The following CERS3 variants were observed in gnomAD, a reference collection of about 807,000 sequenced individuals.
CERS3 encodes ceramide synthase 3.
CERS3 carries 33 observed loss-of-function variants against 50.3 expected under a neutral mutation model. The ratio of observed to expected loss-of-function variants is 0.66; its 90% CI spans 0.50 to 0.88. The LOEUF (loss-of-function observed/expected upper bound fraction) is 0.88, where lower values mean the gene tolerates loss of function less well. Among genes scored for constraint, CERS3 ranks in the 40% least tolerant of loss-of-function variants. CERS3 has a pLI of 0.00. For missense variants in CERS3, 470 were observed against 460.3 expected (o/e 1.02, Z -0.19); for synonymous variants, 176 against 155.2 (o/e 1.13, Z -0.99).
At chr15:100,503,278 G>T (rs1183029631) in intron 2 of CERS3, among the ~76,000 whole-genome samples, 38 of 152,198 alleles carry the variant, frequency 2.5e-4, no homozygotes, top group Non-Finnish European at 2.4e-4. Flanking sequence ...GGTGTGGAAT[G>T]GTAGGTTACA....
rs112369982 is a variant in CERS3, at chr15:100,456,118, T to C, written c.846-72A>G. 3.3e-3 allele frequency: 4,024 copies of C among 1,205,614 alleles called. 37 individuals carry two copies. In the Middle Eastern group the frequency reaches 0.039, roughly 12 times the overall value. 74.7% of individuals were successfully genotyped at this position (1,205,614 alleles called of 1,614,324 possible). ...TATGAATTTTCAATAATAAAACAAA[T>C]AGTTTTTCTCCTAAGCCATACATGT... On this transcript the variant is annotated intron_variant, in intron 10 of 11. Transcript: ENST00000679737.
rs143547121 is a variant in CERS3, at chr15:100,482,150, A to G, written c.408-2104T>C. On this transcript the variant is annotated intron_variant, in intron 5 of 11. Coordinates refer to ENST00000679737, the MANE Select transcript of CERS3 (RefSeq NM_001378789.1). ...AGAATTGCTGCACTTCACTGAAAAG[A>G]TGAATGATAATATCCTTGTCAATGT... 1.7e-3 allele frequency among the ~76,000 whole-genome samples: 257 copies of G among 152,382 alleles called. 4 individuals are homozygous for G. Among genetic ancestry groups the G allele is most frequent in the East Asian group, 0.017 (87 of 5,186 alleles).
chr15:100,473,240 A>G (rs1163981362), intron 8 of CERS3, among the ~76,000 whole-genome samples, 188 bp from the exon 9 acceptor site: 2 of 152,200 alleles, frequency 1.3e-5, no homozygotes, highest in Non-Finnish European at 2.9e-5. Flanking sequence ...TTGTTGATGA[A>G]ATCATTTAAC....
At chr15:100,415,196 A>T (rs2031805426) in intron 11 of CERS3, among the ~76,000 whole-genome samples, 1 of 152,250 alleles carries the variant, frequency 6.6e-6, no homozygotes, top group Admixed American at 6.5e-5. Context: ...TGATCATTAG[A>T]GAACTGCAAA....
intron 11 of CERS3, among the ~76,000 whole-genome samples, chr15:100,436,808 A>G (rs1307418666): frequency 6.6e-6 from 1 of 152,204 alleles, no homozygotes; most frequent in Non-Finnish European, 1.5e-5. Context: ...ACTGTTTTCC[A>G]TCAGAGGTCA....
chr15:100,532,266 G>C (rs76460376), upstream of CERS3, among the ~76,000 whole-genome samples: 1 of 152,118 alleles, frequency 6.6e-6, no homozygotes, highest in Non-Finnish European at 1.5e-5. Context: ...AGAAGAAAAC[G>C]TAAGAATCAA....
intron 4 of CERS3, among the ~76,000 whole-genome samples, chr15:100,486,454 G>A (rs1036522435): frequency 1.3e-5 from 2 of 152,230 alleles, no homozygotes; most frequent in African/African-American, 4.8e-5. Flanking sequence ...ATGATTTGAG[G>A]ACCAAGGGAT....
chr15:100,503,339 C>T (rs1395233756), intron 2 of CERS3, among the ~76,000 whole-genome samples: 1 of 152,184 alleles, frequency 6.6e-6, no homozygotes, highest in East Asian at 1.9e-4. Flanking sequence ...TCAGTAACAG[C>T]TCTTCCTTCC....
intron 4 of CERS3, among the ~76,000 whole-genome samples, chr15:100,487,147 G>GTA (rs1480807311): frequency 6.6e-6 from 1 of 152,198 alleles, no homozygotes; most frequent in Admixed American, 6.5e-5. Context: ...TTGACCATCT[G>GTA]TAATGACCAG....
chr15:100,476,252 C>T lies in CERS3; in HGVS notation c.517-74G>A, dbSNP rs1400025408. The T allele has an allele frequency of 1.4e-5, 11 of 814,290 alleles. 1 individual carries two copies. The East Asian group carries it at 3.2e-4, about 24-fold the overall frequency. The allele number at this position is 814,290 out of a possible 1,614,324, so 50.4% of individuals were successfully genotyped here. ...ACTCATTTTAATGCACTAAAACCTC[C>T]TTTTATACCTATTTATATCCCACCA... On this transcript the variant is annotated intron_variant, in intron 7 of 11. Transcript: ENST00000679737.
At chr15:100,425,585 G>A (rs1263508557) in intron 11 of CERS3, among the ~76,000 whole-genome samples, 3 of 152,146 alleles carry the variant, frequency 2.0e-5, no homozygotes, top group East Asian at 3.9e-4. Context: ...TACCCCCATT[G>A]TGTCTTGGAA....
chr15:100,467,150 T>G (rs2034773134), intron 10 of CERS3, among the ~76,000 whole-genome samples: 1 of 152,032 alleles, frequency 6.6e-6, no homozygotes, highest in South Asian at 2.1e-4. Context: ...CCACTGCACC[T>G]AGCCTGATTT....
intron 7 of CERS3, among the ~76,000 whole-genome samples, 192 bp from the exon 8 acceptor site, chr15:100,476,370 T>C (rs2035127014): frequency 6.6e-6 from 1 of 152,166 alleles, no homozygotes. Flanking sequence ...TCTAAAAGGG[T>C]AGAGACAAGT....
chr15:100,450,211 G>A (rs1464381133), intron 11 of CERS3, among the ~76,000 whole-genome samples: 1 of 151,952 alleles, frequency 6.6e-6, no homozygotes, highest in African/African-American at 2.4e-5. Context: ...ATGAGGTCAG[G>A]AGACCAAAAC....
intron 1 of CERS3, among the ~76,000 whole-genome samples, chr15:100,539,960 G>C (rs8032641): frequency 0.5 from 76,077 of 151,936 alleles, 19,372 homozygotes; most frequent in South Asian, 0.6. Flanking sequence ...CTATTACCAA[G>C]TAATCTCAAA....
At chr15:100,510,899 T>G (rs2036319880) in intron 2 of CERS3, among the ~76,000 whole-genome samples, 1 of 152,196 alleles carries the variant, frequency 6.6e-6, no homozygotes, top group Admixed American at 6.5e-5. Flanking sequence ...ACTCTAATAA[T>G]ACAGAGAAAA....
chr15:100,494,440 G>A (rs2035751831), intron 3 of CERS3, among the ~76,000 whole-genome samples: 1 of 151,332 alleles, frequency 6.6e-6, no homozygotes, highest in Non-Finnish European at 1.5e-5. Flanking sequence ...GTAGAGATGG[G>A]GTTTCACCAT....
chr15:100,442,097 TG>T (rs1342015767), intron 11 of CERS3, among the ~76,000 whole-genome samples: 3 of 152,152 alleles, frequency 2.0e-5, no homozygotes, highest in Admixed American at 2.0e-4. Context: ...CTTAAAAAGG[TG>T]GCTGGAGAGC....
intron 3 of CERS3, among the ~76,000 whole-genome samples, chr15:100,497,081 T>C (rs1304488292): frequency 1.3e-5 from 2 of 152,202 alleles, no homozygotes; most frequent in East Asian, 3.8e-4. Flanking sequence ...CAATACCATT[T>C]GTGTCAACAA....
Sources: gnomAD v4.1 joint callset for allele counts (sites outside exome capture counted in the v4.1 genomes callset) on GRCh38, gnomAD v4.1.1 for gene constraint, MANE v1.5 for transcripts, NCBI Gene and HGNC (gene_info 2026-07-23, HGNC 2026-07-21) for gene names.